The following NAA15 variants were observed in gnomAD, a reference collection of about 807,000 sequenced individuals.
NAA15 encodes the protein N-terminal acetyltransferase.
Under a neutral mutation model 114.0 loss-of-function variants are expected in NAA15, and 34 were observed. That is an observed-to-expected ratio of 0.30 (90% CI 0.23 to 0.40). The LOEUF (loss-of-function observed/expected upper bound fraction) is 0.40. Ranked by LOEUF, NAA15 falls within the 10% of genes least tolerant of loss-of-function variation. NAA15 has a pLI of 1.00. For synonymous variants in NAA15, 340 were observed against 338.0 expected, an observed-to-expected ratio of 1.01 and a Z score of -0.06; for missense variants, 658 against 1,004.5, an observed-to-expected ratio of 0.66 and a Z score of 4.66.
chr4:139,316,781 T>C (rs1746423211), intron 1 of NAA15, among the ~76,000 whole-genome samples: 1 of 151,832 alleles, frequency 6.6e-6, no homozygotes, highest in Admixed American at 6.6e-5. Flanking sequence ...GTCTCTTAGT[T>C]CAAGAGCATT....
At position 139,348,482 on chromosome 4, in the gene NAA15, A is replaced by G. The variant is rs945392679; in HGVS notation, c.692-980A>G. ...AAAAAAAAAAAAAAGTCACTGGCAC[A>G]TGGTAAGTACTCAGTAAGTGTTCAT... On this transcript the variant is annotated intron_variant, in intron 6 of 19. Transcript: ENST00000296543. Among the ~76,000 whole-genome samples the G allele has an allele frequency of 1.5e-4, 23 of 151,458 alleles. No homozygotes were observed. The East Asian group carries it at 1.9e-3, about 13-fold the overall frequency.
intron 6 of NAA15, among the ~76,000 whole-genome samples, 153 bp from the exon 7 acceptor site, chr4:139,349,309 G>A (rs554122540): frequency 6.6e-6 from 1 of 152,276 alleles, no homozygotes; most frequent in East Asian, 1.9e-4. Context: ...ACATAACTTG[G>A]TAAATGATCT....
At chr4:139,362,836 T>G (rs916381673) in intron 14 of NAA15, among the ~76,000 whole-genome samples, 5 of 152,168 alleles carry the variant, frequency 3.3e-5, no homozygotes, top group African/African-American at 1.2e-4. Flanking sequence ...ATGAATTTTG[T>G]GCCTTACTCA....
chr4:139,328,126 T>C (rs1166094589), intron 1 of NAA15, among the ~76,000 whole-genome samples: 1 of 152,076 alleles, frequency 6.6e-6, no homozygotes, highest in Admixed American at 6.6e-5. Flanking sequence ...TGATTTTTTT[T>C]TTCTTCTTCT....
chr4:139,375,095 C>T (rs1748545882), intron 15 of NAA15, among the ~76,000 whole-genome samples: 1 of 152,186 alleles, frequency 6.6e-6, no homozygotes, highest in African/African-American at 2.4e-5. Context: ...GGTTTGGTTT[C>T]CAGTTCTCTG....
intron 6 of NAA15, among the ~76,000 whole-genome samples, chr4:139,348,683 G>GTC (rs1007137019): frequency 5.9e-5 from 9 of 152,134 alleles, no homozygotes; most frequent in Non-Finnish European, 1.0e-4. Context: ...TGAAACCACT[G>GTC]TCTCTCTCTC....
In NAA15 at chr4:139,384,875, A is replaced by T; in HGVS notation, c.2199A>T (p.Val733=). Residue 733 remains valine, a synonymous_variant, in exon 18 of 20, where the codon GTA becomes GTT. Coordinates refer to ENST00000296543, the MANE Select transcript of NAA15 (RefSeq NM_057175.5). ...ATTTATCTGATACAGTTAGAACAGT[A>T]TTAAAACAAGAAATGAATCGTCTTT... ...SKDLSDTVRT[V]LKQEMNRLFG... The T allele has an allele frequency of 6.4e-7, 1 of 1,553,606 alleles. No homozygotes were observed. Among genetic ancestry groups the T allele is most frequent in the Non-Finnish European group, 8.7e-7 (1 of 1,146,598 alleles).
chr4:139,351,433 G>A, intron 8 of NAA15, 72 bp from the exon 9 acceptor site: 3 of 1,112,410 alleles, frequency 2.7e-6, no homozygotes, highest in East Asian at 4.7e-5. Flanking sequence ...GTTGGTAAAT[G>A]TAAGTAAATA....
intron 1 of NAA15, among the ~76,000 whole-genome samples, chr4:139,315,450 C>G (rs115129443): frequency 6.6e-6 from 1 of 151,890 alleles, no homozygotes; most frequent in African/African-American, 2.4e-5. Context: ...CGTGGCAGGT[C>G]CAGGCTTCAG....
At chr4:139,376,660 A>G (rs1195713633) in intron 16 of NAA15, among the ~76,000 whole-genome samples, 187 bp downstream of exon 16, 1 of 152,160 alleles carries the variant, frequency 6.6e-6, no homozygotes, top group African/African-American at 2.4e-5. Flanking sequence ...TTCTTTTAGG[A>G]TATTAGAATC....
rs752550952 is a variant in NAA15, at chr4:139,341,045, A to G, written c.378A>G (p.Gln126=). 1 of 1,586,062 alleles carries G rather than the reference A, an allele frequency of 6.3e-7. No homozygotes were observed. The highest frequency in any genetic ancestry group is 1.2e-5 in the South Asian group (1 of 83,750). ...GGGACCTTTCCTTACTACAGATTCAAATGCGAGATCTTGAGGGTTACAGGG... is the reference window on the plus strand; with the variant it reads ...GGGACCTTTCCTTACTACAGATTCAGATGCGAGATCTTGAGGGTTACAGGG... The part of the protein sequence containing the change: ...ILRDLSLLQI[Q]MRDLEGYRET... Residue 126 remains glutamine, a synonymous_variant, in exon 4 of 20, where the codon CAA becomes CAG. Coordinates refer to ENST00000296543, the MANE Select transcript of NAA15 (RefSeq NM_057175.5).
intron 14 of NAA15, among the ~76,000 whole-genome samples, chr4:139,366,354 C>G (rs553622677): frequency 3.0e-4 from 46 of 152,150 alleles, no homozygotes; most frequent in African/African-American, 1.1e-3. Flanking sequence ...CTTAGTCTCT[C>G]CATAGTTTCT....
At chr4:139,324,609 G>A (rs537961124) in intron 1 of NAA15, among the ~76,000 whole-genome samples, 2 of 152,236 alleles carry the variant, frequency 1.3e-5, no homozygotes, top group Admixed American at 6.5e-5. Flanking sequence ...TTCACTTTCC[G>A]TAAATAAAAG....
chr4:139,366,590 T>G (rs545805141), intron 14 of NAA15, among the ~76,000 whole-genome samples: 3 of 151,590 alleles, frequency 2.0e-5, no homozygotes, highest in African/African-American at 4.8e-5. Flanking sequence ...ATTATTTACA[T>G]TATCATTTTT....
At chr4:139,349,856 G>T (rs748097204) in intron 7 of NAA15, among the ~76,000 whole-genome samples, 3 of 151,966 alleles carry the variant, frequency 2.0e-5, no homozygotes, top group African/African-American at 4.8e-5. Flanking sequence ...ATGGTGATGT[G>T]TGCCTTGTAG....
intron 7 of NAA15, among the ~76,000 whole-genome samples, chr4:139,350,843 TG>T (rs1307207741): frequency 6.6e-6 from 1 of 152,038 alleles, no homozygotes; most frequent in Non-Finnish European, 1.5e-5. Context: ...AGAGAGGCCA[TG>T]GCCAAAATCA....
chr4:139,338,388 A>T (rs959087238), intron 3 of NAA15, among the ~76,000 whole-genome samples: 1 of 152,182 alleles, frequency 6.6e-6, no homozygotes, highest in East Asian at 1.9e-4. Flanking sequence ...AATGTGTAAT[A>T]TTAAATATGT....
In NAA15 at chr4:139,359,842, C is replaced by T. The variant is rs973190904; in HGVS notation, c.1357C>T (p.Leu453=). ...FINSKCAKYM[L]KANLIKEAEE... The stretch of plus-strand genomic sequence containing the variant: ...CAACTCCAAATGTGCAAAATACATG[C>T]TAAAAGCCAACCTGATTAAAGAAGC... Residue 453 remains leucine (L), a synonymous_variant, in exon 12 of 20, where the codon CTA becomes TTA. Transcript: ENST00000296543. The T allele has an allele frequency of 6.2e-7, 1 of 1,608,616 alleles. No homozygotes were observed. Among genetic ancestry groups the T allele is most frequent in the Non-Finnish European group, 8.5e-7 (1 of 1,178,982 alleles).
chr4:139,388,150 A>C lies in NAA15; in HGVS notation c.*66A>C. On this transcript the variant is annotated 3_prime_UTR_variant, in exon 20 of 20. Transcript: ENST00000296543. Reference sequence around the variant, plus strand: ...CTAGTATATAATATTTTTGTCACGCACCTGCTGCATTGCTCTAACTTACAC... The same window carrying C: ...CTAGTATATAATATTTTTGTCACGCCCCTGCTGCATTGCTCTAACTTACAC... The C allele has an allele frequency of 7.4e-7, 1 of 1,357,772 alleles. No individual in the cohort carries two copies. The highest frequency in any genetic ancestry group is 1.0e-6 in the Non-Finnish European group (1 of 969,822). 84.1% of individuals were successfully genotyped at this position (1,357,772 alleles called of 1,614,324 possible).
Sources: allele counts gnomAD v4.1 joint callset (sites outside exome capture counted in the v4.1 genomes callset), GRCh38; gene constraint gnomAD v4.1.1; transcripts MANE v1.5; gene names NCBI Gene and HGNC (gene_info 2026-07-23, HGNC 2026-07-21).